ZNF502: variants seen among roughly 807,000 people sequenced by gnomAD.
ZNF502 encodes the protein zinc finger protein 502.
Under a neutral mutation model 43.6 loss-of-function variants are expected in ZNF502, and 29 were observed. The ratio of observed to expected loss-of-function variants is 0.67; its 90% CI spans 0.50 to 0.91. The LOEUF is 0.91. ZNF502 is among the 40% of genes least tolerant of loss of function. The pLI is 0.00. For synonymous variants in ZNF502, 171 were observed against 207.4 expected, an observed-to-expected ratio of 0.82 and a Z score of 1.51; for missense variants, 591 against 647.2, an observed-to-expected ratio of 0.91 and a Z score of 0.94.
chr3:44,722,481 C>G lies in ZNF502; in HGVS notation c.*29C>G. ...TGCCATTTAGGTTATGACAGTTTCT[C>G]TAGCGAGGATGACTACGAATCTGAC... On this transcript the variant is annotated 3_prime_UTR_variant, in exon 3 of 3. Transcript: ENST00000436624. 6.3e-7 allele frequency: 1 copy of G among 1,578,350 alleles called. No homozygotes were observed. The highest frequency in any genetic ancestry group is 8.6e-7 in the Non-Finnish European group (1 of 1,165,432).
At chr3:44,714,006 AC>A (rs796317784) in intron 1 of ZNF502, among the ~76,000 whole-genome samples, 66 of 152,320 alleles carry the variant, frequency 4.3e-4, no homozygotes, top group African/African-American at 1.3e-3. Flanking sequence ...GGGTGAGTGC[AC>A]TGTTTGGTGC....
At chr3:44,714,654 G>T (rs1031651216) in intron 1 of ZNF502, 6 of 152,202 alleles carry the variant, frequency 3.9e-5, no homozygotes, top group African/African-American at 1.4e-4. Flanking sequence ...ATGATTGGAA[G>T]GATGTGGTCA....
Position 44,722,205 on chromosome 3 carries a change from A to G in ZNF502, c.1388A>G (p.Tyr463Cys), listed in dbSNP as rs527385584. 1.2e-6 allele frequency: 2 copies of G among 1,614,180 alleles called. No individual in the cohort carries two copies. The highest frequency in any genetic ancestry group is 1.3e-5 in the African/African-American group (1 of 75,060). Residue 463 changes from tyrosine (Y) to cysteine (C), a missense_variant, in exon 3 of 3, where the codon TAT (tyrosine) becomes TGT (cysteine). Tyr to Cys is a radical substitution (Grantham distance 194, BLOSUM62 -2). Coordinates refer to ENST00000436624, the MANE Select transcript of ZNF502 (RefSeq NM_001134442.3). ...HMRIHTGEKP[Y>C]KCKECGKAFA... ...AGAATTCATACTGGAGAGAAGCCCTATAAATGTAAAGAATGTGGGAAAGCC... is the reference window on the plus strand; with the variant it reads ...AGAATTCATACTGGAGAGAAGCCCTGTAAATGTAAAGAATGTGGGAAAGCC...
intron 1 of ZNF502, among the ~76,000 whole-genome samples, chr3:44,714,070 C>T (rs1451332314): frequency 1.3e-5 from 2 of 152,048 alleles, no homozygotes; most frequent in African/African-American, 4.8e-5. Context: ...AATGTGGTCT[C>T]GTTGGAGGGA....
At position 44,722,451 on chromosome 3, in the gene ZNF502, A is replaced by G; in HGVS notation, c.1634A>G (p.Ter545=). 6.2e-7 allele frequency: 1 copy of G among 1,606,682 alleles called. No individual in the cohort carries two copies. Among genetic ancestry groups the G allele is most frequent in the African/African-American group, 1.3e-5 (1 of 74,870 alleles). ...CATCAGAAACTTCACAGTGGTGACT[A>G]ATGCTGCCATTTAGGTTATGACAGT... ...FRHQKLHSGD[*] Residue 545 remains the stop codon, a stop_retained_variant, in exon 3 of 3, where the codon TAA becomes TGA. Coordinates refer to ENST00000436624, the MANE Select transcript of ZNF502 (RefSeq NM_001134442.3).
intron 1 of ZNF502, among the ~76,000 whole-genome samples, chr3:44,713,221 A>G (rs533215495): frequency 2.0e-5 from 3 of 152,344 alleles, no homozygotes; most frequent in African/African-American, 4.8e-5. Flanking sequence ...AGAAATCTCT[A>G]AAGTACTGTC....
chr3:44,716,690 G>A (rs1039920190), intron 1 of ZNF502, among the ~76,000 whole-genome samples: 3 of 152,140 alleles, frequency 2.0e-5, no homozygotes, highest in Non-Finnish European at 2.9e-5. Context: ...ACTTACATTC[G>A]CACCGGTATG....
At position 44,721,318 on chromosome 3, in the gene ZNF502, C is replaced by T. The variant is rs939541932; in HGVS notation, c.501C>T (p.Ser167=). 1.9e-6 allele frequency: 3 copies of T among 1,614,008 alleles called. No homozygotes were observed. Among genetic ancestry groups the T allele is most frequent in the African/African-American group, 2.7e-5 (2 of 74,918 alleles). Residue 167 remains serine (S), a synonymous_variant, in exon 3 of 3, where the codon AGC becomes AGT. Coordinates refer to ENST00000436624, the MANE Select transcript of ZNF502 (RefSeq NM_001134442.3). ...CNECGKTFTQ[S]SSLTQHQRTH... is the part of the protein sequence containing the mutation. ...AATGTGGAAAAACCTTTACTCAGAG[C>T]TCATCCCTTACCCAACATCAGAGAA...
intron 1 of ZNF502, 148 bp downstream of exon 1, chr3:44,712,888 A>ATAG (rs374193820): frequency 1.4e-3 from 218 of 152,670 alleles, no homozygotes; most frequent in African/African-American, 5.0e-3. Flanking sequence ...GACGTAGGGC[A>ATAG]CTCCTAGCGG....
Position 44,720,245 on chromosome 3 carries a change from G to A in ZNF502, c.-17G>A, listed in dbSNP as rs374518132. 24 of 1,613,942 alleles carry A rather than the reference G, an allele frequency of 1.5e-5. No individual in the cohort carries two copies. Among genetic ancestry groups the A allele is most frequent in the African/African-American group, 8.0e-5 (6 of 74,912 alleles). Reference sequence around the variant, plus strand: ...ACCTGAAGTGTTTTCCAATCAAAGCGAAGAGACGATCTGTGGATGTTGAAT... The same window carrying A: ...ACCTGAAGTGTTTTCCAATCAAAGCAAAGAGACGATCTGTGGATGTTGAAT... On this transcript the variant is annotated 5_prime_UTR_variant, in exon 2 of 3. Coordinates refer to ENST00000436624, the MANE Select transcript of ZNF502 (RefSeq NM_001134442.3).
Position 44,720,859 on chromosome 3 carries a change from C to A in ZNF502, c.56-14C>A. ...CCCTGTACAGGAGATATTCATTCTG[C>A]TGTTTTCTTTCAGGCTGGGTAAACA... On this transcript the variant is annotated splice_polypyrimidine_tract_variant and intron_variant, in intron 2 of 2. Transcript: ENST00000436624. 6.3e-7 allele frequency: 1 copy of A among 1,599,688 alleles called. No homozygotes were observed. The highest frequency in any genetic ancestry group is 8.5e-7 in the Non-Finnish European group (1 of 1,173,638).
intron 1 of ZNF502, among the ~76,000 whole-genome samples, chr3:44,717,748 T>A (rs118068372): frequency 6.6e-6 from 1 of 152,156 alleles, no homozygotes; most frequent in East Asian, 1.9e-4. Flanking sequence ...AGCCTCGAAC[T>A]CCTGGACTCA....
At position 44,713,602 on chromosome 3, in the gene ZNF502, C is replaced by T. The variant is rs573831257; in HGVS notation, c.-60+862C>T. Among the ~76,000 whole-genome samples, 11 of 150,526 alleles carry T rather than the reference C, an allele frequency of 7.3e-5. No homozygotes were observed. The East Asian group carries it at 1.8e-3, about 24-fold the overall frequency. ...TTTTGGTTTGTTTTTTTTTTTGAGA[C>T]GGGATTTCACTCTTGTTGCCCAGGC... On this transcript the variant is annotated intron_variant, in intron 1 of 2. Coordinates refer to ENST00000436624, the MANE Select transcript of ZNF502 (RefSeq NM_001134442.3).
chr3:44,715,858 CAT>C (rs1263510240), intron 1 of ZNF502, among the ~76,000 whole-genome samples: 1 of 152,194 alleles, frequency 6.6e-6, no homozygotes, highest in African/African-American at 2.4e-5. Context: ...AAGCACGACA[CAT>C]GTATATTTTA....
Position 44,722,440 on chromosome 3 carries a change from CAGT to C in ZNF502, c.1624_1626del (p.Ser542del). Reference sequence around the variant, plus strand: ...TCCTTTTCAGACATCAGAAACTTCACAGTGGTGACTAATGCTGCCATTTAGGTT... The same window carrying C: ...TCCTTTTCAGACATCAGAAACTTCACGGTGACTAATGCTGCCATTTAGGTT... On this transcript the variant is annotated inframe_deletion, in exon 3 of 3. Transcript: ENST00000436624. 1 of 1,610,672 alleles carries C rather than the reference CAGT, an allele frequency of 6.2e-7. No individual in the cohort carries two copies. The highest frequency in any genetic ancestry group is 8.5e-7 in the Non-Finnish European group (1 of 1,178,554).
Position 44,723,559 on chromosome 3 carries a change from T to C in ZNF502, c.*1107T>C, listed in dbSNP as rs1575545653. ...GTTGACATTTGTCGTGGAATGACTT[T>C]GGAAAGACTTCTAAAAGAATCTTTT... is the stretch of plus-strand genomic sequence containing the variant. On this transcript the variant is annotated 3_prime_UTR_variant, in exon 3 of 3. Transcript: ENST00000436624. 6.6e-6 allele frequency: 1 copy of C among 152,264 alleles called. No individual in the cohort carries two copies. Among genetic ancestry groups the C allele is most frequent in the South Asian group, 2.1e-4 (1 of 4,836 alleles). The allele number at this position is 152,264 out of a possible 1,614,324, so 9.4% of individuals were successfully genotyped here.
Position 44,722,553 on chromosome 3 carries a change from G to C in ZNF502, c.*101G>C. 7.0e-7 allele frequency: 1 copy of C among 1,420,498 alleles called. No individual in the cohort carries two copies. Among genetic ancestry groups the C allele is most frequent in the Non-Finnish European group, 9.4e-7 (1 of 1,062,310 alleles). The allele number at this position is 1,420,498 out of a possible 1,614,324, so 88.0% of individuals were successfully genotyped here. ...AGTTCCTGGAGGGAAGGATGAAGGA[G>C]CCTTGGCTACTGTACTCTGAGAGGA... On this transcript the variant is annotated 3_prime_UTR_variant, in exon 3 of 3. Coordinates refer to ENST00000436624, the MANE Select transcript of ZNF502 (RefSeq NM_001134442.3).
chr3:44,718,191 C>T (rs1343654699), intron 1 of ZNF502, among the ~76,000 whole-genome samples: 1 of 152,132 alleles, frequency 6.6e-6, no homozygotes, highest in Non-Finnish European at 1.5e-5. Context: ...CACTAAAGAT[C>T]ACTGTCATCT....
At chr3:44,718,975 CTT>C (rs55847151) in intron 1 of ZNF502, among the ~76,000 whole-genome samples, 142 of 136,866 alleles carry the variant, frequency 1.0e-3, no homozygotes, top group Middle Eastern at 3.8e-3. Context: ...GGATCATCTT[CTT>C]TTTTTTTTTT....
Sources: gnomAD v4.1 joint callset for allele counts (sites outside exome capture counted in the v4.1 genomes callset) on GRCh38, gnomAD v4.1.1 for gene constraint, MANE v1.5 for transcripts, NCBI Gene and HGNC (gene_info 2026-07-23, HGNC 2026-07-21) for gene names.